Variants in PITHD1 observed in about 807,000 individuals in gnomAD.
PITHD1 encodes PITH domain-containing protein 1.
A neutral mutation model predicts 27.5 loss-of-function variants in PITHD1; 8 were observed. The observed-to-expected ratio is 0.29, with a 90% CI of 0.17 to 0.52. The LOEUF (loss-of-function observed/expected upper bound fraction) is 0.52. Ranked by LOEUF, PITHD1 falls within the 20% of genes least tolerant of loss-of-function variation. The probability of loss-of-function intolerance (pLI) is 0.96; values close to 1 mark genes in which losing one functional copy is unlikely to be tolerated. For missense variants in PITHD1, 233 were observed against 283.9 expected (o/e 0.82, Z 1.29); for synonymous variants, 118 against 106.8 (o/e 1.10, Z -0.64).
rs1273580617 is a variant in PITHD1, at chr1:23,787,656, A to G, written c.*280A>G. Reference sequence around the variant, plus strand: ...AGTCATGGGTAACACTTGCTTTTCCAGTTAATGTGGCCATGTGATTCCAAG... The same window carrying G: ...AGTCATGGGTAACACTTGCTTTTCCGGTTAATGTGGCCATGTGATTCCAAG... On this transcript the variant is annotated 3_prime_UTR_variant, in exon 6 of 6. Coordinates refer to ENST00000246151, the MANE Select transcript of PITHD1 (RefSeq NM_020362.5). The G allele has an allele frequency of 8.4e-6, 2 of 238,704 alleles. No homozygotes were observed. Among genetic ancestry groups the G allele is most frequent in the Non-Finnish European group, 1.6e-5 (2 of 123,710 alleles). 14.8% of individuals were successfully genotyped at this position (238,704 alleles called of 1,614,324 possible). A position where few individuals can be genotyped will look rare whatever the true frequency, so the allele number is the denominator to read the frequency against.
chr1:23,778,974 A>G (rs1044062380), intron 1 of PITHD1, among the ~76,000 whole-genome samples: 22 of 152,142 alleles, frequency 1.4e-4, no homozygotes, highest in African/African-American at 5.3e-4. Flanking sequence ...TGTGGGCTAG[A>G]GAGGATGGTC....
At chr1:23,782,746 C>T (rs766620019) in intron 3 of PITHD1, among the ~76,000 whole-genome samples, 3 of 151,808 alleles carry the variant, frequency 2.0e-5, no homozygotes, top group African/African-American at 4.8e-5. Context: ...GGAATACAGA[C>T]GTGTGCCACC....
At chr1:23,783,555 G>A (rs999435007) in intron 3 of PITHD1, among the ~76,000 whole-genome samples, 21 of 150,926 alleles carry the variant, frequency 1.4e-4, no homozygotes, top group African/African-American at 4.4e-4. Flanking sequence ...GGGGTCAAGC[G>A]ATTCTCTTGC....
chr1:23,780,718 A>T (rs725119), intron 3 of PITHD1, among the ~76,000 whole-genome samples: 140,126 of 151,706 alleles, frequency 0.92, 64,804 homozygotes, highest in African/African-American at 0.97. Flanking sequence ...CTACTAAAAA[A>T]ACAAAAATTA....
rs1389007297 is a variant in PITHD1, at chr1:23,778,588, C to T, written c.73C>T (p.Arg25Cys). The T allele has an allele frequency of 1.2e-5, 16 of 1,332,788 alleles. No homozygotes were observed. The East Asian group carries it at 1.5e-4, about 13-fold the overall frequency. The allele number at this position is 1,332,788 out of a possible 1,614,324, so 82.6% of individuals were successfully genotyped here. ...AAEREEPPEQ[R>C]GLAYGLYLRI... ...CGAACGGGAGGAGCCGCCCGAGCAG[C>T]GCGGCCTGGCCTACGGCCTGTACCT... The change falls in exon 1 of 6, where the codon CGC becomes TGC. Residue 25 changes from arginine (R) to cysteine (C), a missense_variant. Coordinates refer to ENST00000246151, the MANE Select transcript of PITHD1 (RefSeq NM_020362.5).
intron 3 of PITHD1, chr1:23,785,169 G>A (rs1429899107): frequency 6.5e-6 from 1 of 153,306 alleles, no homozygotes; most frequent in African/African-American, 2.4e-5. Flanking sequence ...GGGTTATGTT[G>A]CAGATCTCAG....
chr1:23,785,589 G>A, intron 3 of PITHD1, 86 bp from the exon 4 acceptor site: 1 of 718,616 alleles, frequency 1.4e-6, no homozygotes, highest in Non-Finnish European at 2.5e-6. Context: ...TAGAACCAAA[G>A]CCATTTAAGC....
intron 5 of PITHD1, among the ~76,000 whole-genome samples, chr1:23,786,716 A>G (rs958743669): frequency 1.3e-5 from 2 of 151,274 alleles, no homozygotes; most frequent in Admixed American, 6.6e-5. Context: ...CAGCCCCCCA[A>G]GTAGCTGGGA....
In PITHD1 at chr1:23,786,611, CTG is replaced by C. The variant is rs567599758; in HGVS notation, c.534+190_534+191del. ...ACAGGTATTTTTAAGGGGGTTGAAA[CTG>C]TTATTTTTATATAAATAATATATAT... On this transcript the variant is annotated intron_variant, in intron 5 of 5. Coordinates refer to ENST00000246151, the MANE Select transcript of PITHD1 (RefSeq NM_020362.5). 4.3e-3 allele frequency among the ~76,000 whole-genome samples: 634 copies of C among 149,120 alleles called. 6 individuals carry two copies. Among genetic ancestry groups the C allele is most frequent in the African/African-American group, 0.015 (607 of 40,802 alleles).
intron 2 of PITHD1, 134 bp downstream of exon 2, chr1:23,779,615 G>A: frequency 1.3e-6 from 1 of 765,454 alleles, no homozygotes. Flanking sequence ...GGTTTGAGGA[G>A]GAAAGCATCA....
intron 3 of PITHD1, among the ~76,000 whole-genome samples, chr1:23,780,372 G>C (rs1322068322): frequency 6.6e-6 from 1 of 152,100 alleles, no homozygotes; most frequent in African/African-American, 2.4e-5. Context: ...CTGACTTTGC[G>C]TGGCATTTAG....
chr1:23,778,497 C>G lies in PITHD1; in HGVS notation c.-19C>G. The G allele has an allele frequency of 7.5e-7, 1 of 1,341,656 alleles. No individual in the cohort carries two copies. Among genetic ancestry groups the G allele is most frequent in the South Asian group, 1.9e-5 (1 of 52,740 alleles). 83.1% of individuals were successfully genotyped at this position (1,341,656 alleles called of 1,614,324 possible). ...GCGCGGCGGTGGGGCCGAGAGGACG[C>G]GCAGGTGGCGGCGTTGCCATGTCGC... is the stretch of plus-strand genomic sequence containing the variant. On this transcript the variant is annotated 5_prime_UTR_variant, in exon 1 of 6. Coordinates refer to ENST00000246151, the MANE Select transcript of PITHD1 (RefSeq NM_020362.5).
intron 3 of PITHD1, among the ~76,000 whole-genome samples, chr1:23,783,479 T>G (rs1638639423): frequency 6.7e-6 from 1 of 150,224 alleles, no homozygotes. Context: ...TAAGACGGCG[T>G]TCTGCTCTGT....
rs1557465224 is a variant in PITHD1 at position 23,779,426 on chromosome 1, C to T, written c.199-12C>T. 1 of 1,608,910 alleles carries T rather than the reference C, an allele frequency of 6.2e-7. No individual in the cohort carries two copies. The highest frequency in any genetic ancestry group is 1.7e-4 in the Middle Eastern group (1 of 6,056). ...TTGTTGCTTTCTCCTCCCCCCTCCC[C>T]ATCCCCTCCAGTTTGTTGAAAGTGA... On this transcript the variant is annotated splice_polypyrimidine_tract_variant and intron_variant, in intron 1 of 5. Transcript: ENST00000246151.
At position 23,787,537 on chromosome 1, in the gene PITHD1, C is replaced by G. The variant is rs1246144607; in HGVS notation, c.*161C>G. 25 of 515,062 alleles carry G rather than the reference C, an allele frequency of 4.9e-5. No homozygotes were observed. The highest frequency in any genetic ancestry group is 4.4e-4 in the South Asian group (18 of 40,622). The allele number at this position is 515,062 out of a possible 1,614,324, so 31.9% of individuals were successfully genotyped here. On this transcript the variant is annotated 3_prime_UTR_variant, in exon 6 of 6. Transcript: ENST00000246151. ...GCAGAAACCTGGCCTACGGAAGATACGACACCACTGGGAGGGTTGTGTAGG... is the reference window on the plus strand; with the variant it reads ...GCAGAAACCTGGCCTACGGAAGATAGGACACCACTGGGAGGGTTGTGTAGG...
chr1:23,779,345 C>G, intron 1 of PITHD1, 93 bp from the exon 2 acceptor site: 1 of 931,814 alleles, frequency 1.1e-6, no homozygotes, highest in South Asian at 1.4e-5. Context: ...TCCCATTGCA[C>G]CCCAGTTGTA....
Position 23,787,031 on chromosome 1 carries a change from T to C in PITHD1, c.535-244T>C, listed in dbSNP as rs983021408. Reference sequence around the variant, plus strand: ...TCCTATTCTCATGGTACCCCCATTATAGTAGGGAGACTGAATCTTCAAAGT... The same window carrying C: ...TCCTATTCTCATGGTACCCCCATTACAGTAGGGAGACTGAATCTTCAAAGT... On this transcript the variant is annotated intron_variant, in intron 5 of 5. Coordinates refer to ENST00000246151, the MANE Select transcript of PITHD1 (RefSeq NM_020362.5). Among the ~76,000 whole-genome samples, 6 of 152,332 alleles carry C rather than the reference T, an allele frequency of 3.9e-5. 1 individual carries two copies. Among genetic ancestry groups the C allele is most frequent in the Admixed American group, 3.9e-4 (6 of 15,300 alleles).
At chr1:23,783,890 A>G (rs1240015068) in intron 3 of PITHD1, among the ~76,000 whole-genome samples, 1 of 152,226 alleles carries the variant, frequency 6.6e-6, no homozygotes, top group Non-Finnish European at 1.5e-5. Flanking sequence ...GTGGAGATTC[A>G]TTATGTAATC....
At chr1:23,783,026 T>G (rs1638625347) in intron 3 of PITHD1, among the ~76,000 whole-genome samples, 1 of 152,108 alleles carries the variant, frequency 6.6e-6, no homozygotes, top group African/African-American at 2.4e-5. Flanking sequence ...AGACAGAGTC[T>G]CACTGTGTCG....
Sources: gnomAD v4.1 joint callset for allele counts (sites outside exome capture counted in the v4.1 genomes callset) on GRCh38, gnomAD v4.1.1 for gene constraint, MANE v1.5 for transcripts, NCBI Gene and HGNC (gene_info 2026-07-23, HGNC 2026-07-21) for gene names.